Variants in YAF2 observed in about 807,000 individuals in gnomAD.
YAF2 encodes the protein YY1 associated factor 2, also known as YY1-associated factor 2.
YAF2 carries 7 observed loss-of-function variants against 20.1 expected under a neutral mutation model. That is an observed-to-expected ratio of 0.35 (90% CI 0.20 to 0.65). The LOEUF (loss-of-function observed/expected upper bound fraction) is 0.65. Among genes scored for constraint, YAF2 ranks in the 30% least tolerant of loss-of-function variants. The pLI is 0.69. For missense variants in YAF2, 151 were observed against 219.2 expected, an observed-to-expected ratio of 0.69 and a Z score of 1.96; for synonymous variants, 74 against 76.0, an observed-to-expected ratio of 0.97 and a Z score of 0.14.
At position 42,234,939 on chromosome 12, in the gene YAF2, G is replaced by GATGATGCC. The variant is rs2068099243; in HGVS notation, c.152+2652_152+2659dup. On this transcript the variant is annotated intron_variant, in intron 2 of 3. Transcript: ENST00000534854. ...GGAGTTCGAGGCTGCAGTGAGCCTGGATGATGCCACTGCAACCCAGCCTGG... is the reference window on the plus strand; with the variant it reads ...GGAGTTCGAGGCTGCAGTGAGCCTGGATGATGCCATGATGCCACTGCAACCCAGCCTGG... 5 of 939,706 alleles carry GATGATGCC rather than the reference G, an allele frequency of 5.3e-6. No individual in the cohort carries two copies. The South Asian group carries it at 2.5e-4, about 46-fold the overall frequency. 58.2% of individuals were successfully genotyped at this position (939,706 alleles called of 1,614,324 possible).
intron 2 of YAF2, among the ~76,000 whole-genome samples, chr12:42,219,497 T>C (rs2067453128): frequency 6.6e-6 from 1 of 152,112 alleles, no homozygotes; most frequent in African/African-American, 2.4e-5. Flanking sequence ...ATTAAGCTCA[T>C]TCAGAGAAGT....
intron 2 of YAF2, among the ~76,000 whole-genome samples, chr12:42,213,246 G>C (rs911522017): frequency 6.6e-6 from 1 of 152,236 alleles, no homozygotes; most frequent in Non-Finnish European, 1.5e-5. Flanking sequence ...CCTGAGGCCT[G>C]ACAATAGACA....
chr12:42,219,626 A>G (rs2067455989), intron 2 of YAF2, among the ~76,000 whole-genome samples: 1 of 152,204 alleles, frequency 6.6e-6, no homozygotes, highest in African/African-American at 2.4e-5. Context: ...CTGCCTGCAC[A>G]CACACATGCA....
intron 2 of YAF2, among the ~76,000 whole-genome samples, chr12:42,170,226 T>C (rs1210589821): frequency 2.0e-5 from 3 of 152,142 alleles, no homozygotes; most frequent in Non-Finnish European, 4.4e-5. Context: ...ATTGTAGGTA[T>C]GCTTGCAAGC....
At chr12:42,230,070 A>G (rs954184729) in intron 2 of YAF2, among the ~76,000 whole-genome samples, 1 of 152,172 alleles carries the variant, frequency 6.6e-6, no homozygotes, top group Admixed American at 6.5e-5. Flanking sequence ...CATCCTGGCC[A>G]ACATGGTGAA....
At chr12:42,230,417 T>C (rs960630319) in intron 2 of YAF2, among the ~76,000 whole-genome samples, 9 of 152,198 alleles carry the variant, frequency 5.9e-5, no homozygotes, top group African/African-American at 1.4e-4. Context: ...ATTATTATTA[T>C]GGCCTTGAAC....
chr12:42,233,699 G>A (rs1449879046), intron 2 of YAF2: 2 of 839,650 alleles, frequency 2.4e-6, no homozygotes, highest in African/African-American at 3.7e-5. Flanking sequence ...TTTTAGTAGA[G>A]ACGAGATCTC....
At chr12:42,161,184 G>T in intron 3 of YAF2, 1 of 294,586 alleles carries the variant, frequency 3.4e-6, no homozygotes. Flanking sequence ...CTAAGGTTGA[G>T]CTATATGCAA....
intron 2 of YAF2, chr12:42,233,432 CTTAAA>C (rs1396038819): frequency 9.2e-6 from 9 of 981,590 alleles, no homozygotes; most frequent in Admixed American, 6.2e-5. Flanking sequence ...AGACACCAGT[CTTAAA>C]TTAATCATCA....
chr12:42,189,740 TATTA>T (rs1246537976), intron 2 of YAF2, among the ~76,000 whole-genome samples: 8 of 152,192 alleles, frequency 5.3e-5, no homozygotes, highest in African/African-American at 1.2e-4. Flanking sequence ...TATTAATTAG[TATTA>T]ATTAAATTAG....
At chr12:42,163,979 A>T (rs1489681970) in intron 2 of YAF2, among the ~76,000 whole-genome samples, 2 of 152,212 alleles carry the variant, frequency 1.3e-5, no homozygotes, top group African/African-American at 4.8e-5. Flanking sequence ...TCAGGAAATA[A>T]AGGGCAGAGT....
intron 2 of YAF2, among the ~76,000 whole-genome samples, chr12:42,202,707 C>T (rs1485965866): frequency 5.9e-5 from 9 of 152,098 alleles, no homozygotes; most frequent in African/African-American, 1.2e-4. Flanking sequence ...GGCATGATCT[C>T]GGCTCACTGC....
chr12:42,181,884 T>A (rs887959790), intron 2 of YAF2, among the ~76,000 whole-genome samples: 1 of 152,020 alleles, frequency 6.6e-6, no homozygotes, highest in Non-Finnish European at 1.5e-5. Flanking sequence ...AACTGTTTTT[T>A]AACAGTTTTT....
chr12:42,180,863 G>A (rs758704082), intron 2 of YAF2, among the ~76,000 whole-genome samples: 2 of 152,078 alleles, frequency 1.3e-5, no homozygotes, highest in Non-Finnish European at 2.9e-5. Context: ...CATGAGAATC[G>A]CTTGAATCCA....
intron 2 of YAF2, among the ~76,000 whole-genome samples, chr12:42,192,138 G>A (rs1237298381): frequency 6.6e-6 from 1 of 152,118 alleles, no homozygotes; most frequent in Non-Finnish European, 1.5e-5. Flanking sequence ...TATTGAATAT[G>A]GAGAAAAATT....
chr12:42,234,744 T>C (rs1448548777), intron 2 of YAF2: 1 of 977,584 alleles, frequency 1.0e-6, no homozygotes, highest in African/African-American at 1.8e-5. Flanking sequence ...TCCCAGTTCT[T>C]TGGGAGGCCA....
At chr12:42,186,113 C>A (rs903682637) in intron 2 of YAF2, among the ~76,000 whole-genome samples, 1 of 150,540 alleles carries the variant, frequency 6.6e-6, no homozygotes, top group South Asian at 2.1e-4. Flanking sequence ...ATTGCTTGAA[C>A]CCAGGAGGCA....
chr12:42,233,022 A>T, intron 2 of YAF2: 2 of 985,462 alleles, frequency 2.0e-6, no homozygotes, highest in African/African-American at 1.7e-5. Context: ...AAACAAAAAA[A>T]TCCATTTTGC....
chr12:42,237,810 C>G, intron 1 of YAF2, 86 bp from the exon 2 acceptor site: 6 of 1,033,940 alleles, frequency 5.8e-6, no homozygotes, highest in Non-Finnish European at 7.0e-6. Context: ...GCCCCCGCCC[C>G]GCCCCCCGCC....
Sources: gnomAD v4.1 joint callset for allele counts (sites outside exome capture counted in the v4.1 genomes callset) on GRCh38, gnomAD v4.1.1 for gene constraint, MANE v1.5 for transcripts, NCBI Gene and HGNC (gene_info 2026-07-23, HGNC 2026-07-21) for gene names.